The following KIF16B variants were observed in gnomAD, a reference collection of about 807,000 sequenced individuals.
KIF16B encodes the protein kinesin family member 16B.
In KIF16B, 98 loss-of-function variants were observed where a neutral mutation model predicts 156.3. That is an observed-to-expected ratio of 0.63 (90% CI 0.53 to 0.74). The LOEUF is 0.74. Among genes scored for constraint, KIF16B ranks in the 30% least tolerant of loss-of-function variants. The pLI is 0.00. For missense variants in KIF16B, 1,421 were observed against 1,606.5 expected, an observed-to-expected ratio of 0.88 and a Z score of 1.97; for synonymous variants, 564 against 583.7, an observed-to-expected ratio of 0.97 and a Z score of 0.49.
Position 16,419,189 on chromosome 20 carries a change from C to T in KIF16B, c.1612+7915G>A, listed in dbSNP as rs200655419. On this transcript the variant is annotated intron_variant, in intron 15 of 25. Transcript: ENST00000354981. ...CTGTTAAGAAGAGTTAGGGCTTTGA[C>T]ATTGAAAAATAGTTGTTGAATCAGC... Among the ~76,000 whole-genome samples, 10 of 152,140 alleles carry T rather than the reference C, an allele frequency of 6.6e-5. No homozygotes were observed. The East Asian group carries it at 1.9e-3, about 30-fold the overall frequency.
intron 12 of KIF16B, among the ~76,000 whole-genome samples, chr20:16,492,031 G>C (rs1439933926): frequency 6.6e-6 from 1 of 152,076 alleles, no homozygotes; most frequent in Non-Finnish European, 1.5e-5. Flanking sequence ...CCATGAGAGG[G>C]GGTTTGTACA....
chr20:16,322,545 T>C (rs991916774), intron 24 of KIF16B, among the ~76,000 whole-genome samples: 13 of 152,076 alleles, frequency 8.5e-5, no homozygotes, highest in Non-Finnish European at 5.9e-5. Flanking sequence ...TATATGTATA[T>C]GTATGCATAT....
chr20:16,463,505 A>G (rs2067404867), intron 12 of KIF16B, among the ~76,000 whole-genome samples: 1 of 152,188 alleles, frequency 6.6e-6, no homozygotes, highest in Non-Finnish European at 1.5e-5. Flanking sequence ...TGATTTTTCT[A>G]ACTGGAAAGG....
At chr20:16,492,807 A>G (rs1040799668) in intron 12 of KIF16B, among the ~76,000 whole-genome samples, 10 of 152,262 alleles carry the variant, frequency 6.6e-5, no homozygotes, top group Non-Finnish European at 1.2e-4. Flanking sequence ...TCAAATAGCT[A>G]ACGGTTTGAT....
At chr20:16,277,163 CT>C (rs987790310) in intron 25 of KIF16B, among the ~76,000 whole-genome samples, 4 of 152,212 alleles carry the variant, frequency 2.6e-5, no homozygotes, top group African/African-American at 9.6e-5. Flanking sequence ...AATGCCGTGT[CT>C]GTGAGATGCG....
chr20:16,517,769 C>T (rs1052253445), intron 3 of KIF16B, among the ~76,000 whole-genome samples: 3 of 152,110 alleles, frequency 2.0e-5, no homozygotes, highest in African/African-American at 7.2e-5. Flanking sequence ...TTAAATATTT[C>T]CCCAATTCTC....
intron 17 of KIF16B, among the ~76,000 whole-genome samples, chr20:16,399,020 G>C (rs1277091748): frequency 6.6e-6 from 1 of 152,178 alleles, no homozygotes; most frequent in Non-Finnish European, 1.5e-5. Context: ...GCCTAAGAGG[G>C]GGAAAGTAAT....
At chr20:16,293,319 G>A (rs922315777) in intron 25 of KIF16B, among the ~76,000 whole-genome samples, 5 of 152,102 alleles carry the variant, frequency 3.3e-5, no homozygotes, top group African/African-American at 9.7e-5. Flanking sequence ...GAGGAGGAAG[G>A]GATAGGTCAC....
intron 8 of KIF16B, 54 bp from the exon 9 acceptor site, chr20:16,505,907 C>G: frequency 6.2e-7 from 1 of 1,605,238 alleles, no homozygotes; most frequent in Non-Finnish European, 8.5e-7. Context: ...AATTTTTTTT[C>G]CTCTACTTTT....
At chr20:16,366,973 A>G in intron 22 of KIF16B, 1 of 1,289,130 alleles carries the variant, frequency 7.8e-7, no homozygotes, top group South Asian at 2.8e-5. Flanking sequence ...AGCTGTTTTT[A>G]TTTTATTGTA....
At chr20:16,413,760 T>C (rs1251971143) in intron 15 of KIF16B, among the ~76,000 whole-genome samples, 3 of 122,346 alleles carry the variant, frequency 2.5e-5, no homozygotes, top group African/African-American at 9.5e-5. Context: ...CACACACACA[T>C]AGGATGCAAT....
intron 12 of KIF16B, among the ~76,000 whole-genome samples, chr20:16,490,537 A>G (rs1160603107): frequency 6.6e-6 from 1 of 152,152 alleles, no homozygotes; most frequent in Admixed American, 6.5e-5. Context: ...GCACAACTCC[A>G]TCTCAAAAAT....
intron 12 of KIF16B, among the ~76,000 whole-genome samples, chr20:16,493,332 C>G (rs1466630319): frequency 1.3e-5 from 2 of 152,186 alleles, no homozygotes; most frequent in Admixed American, 1.3e-4. Flanking sequence ...AGCCTGCATT[C>G]TGAAACAGTT....
chr20:16,415,086 T>A (rs993664977), intron 15 of KIF16B, among the ~76,000 whole-genome samples: 1 of 152,124 alleles, frequency 6.6e-6, no homozygotes, highest in Non-Finnish European at 1.5e-5. Context: ...CTCATTGTAA[T>A]TCAAGGAATA....
chr20:16,305,479 A>T (rs527541366), intron 25 of KIF16B, among the ~76,000 whole-genome samples: 1 of 152,202 alleles, frequency 6.6e-6, no homozygotes, highest in Admixed American at 6.5e-5. Context: ...CAAAATGTGT[A>T]ATTTCAGGGT....
intron 12 of KIF16B, among the ~76,000 whole-genome samples, chr20:16,486,263 A>G (rs2068112380): frequency 6.6e-6 from 1 of 152,148 alleles, no homozygotes; most frequent in South Asian, 2.1e-4. Context: ...TGCTCTCAAT[A>G]AACATGTGCT....
chr20:16,371,011 A>C (rs1190164589), intron 21 of KIF16B, among the ~76,000 whole-genome samples: 1 of 152,262 alleles, frequency 6.6e-6, no homozygotes, highest in Non-Finnish European at 1.5e-5. Flanking sequence ...TACAAAATAA[A>C]TAACTACGGA....
intron 25 of KIF16B, among the ~76,000 whole-genome samples, chr20:16,278,109 C>T (rs907339026): frequency 2.0e-5 from 3 of 148,900 alleles, no homozygotes; most frequent in Admixed American, 6.6e-5. Flanking sequence ...GATGGGATGG[C>T]GGAGCCAAAG....
At chr20:16,398,815 C>T (rs56363883) in intron 17 of KIF16B, among the ~76,000 whole-genome samples, 15,818 of 152,052 alleles carry the variant, frequency 0.1, 1,016 homozygotes, top group Non-Finnish European at 0.15. Context: ...GGAAAGCAGG[C>T]GGCTTCACAG....
Sources: gnomAD v4.1 joint callset for allele counts (sites outside exome capture counted in the v4.1 genomes callset) on GRCh38, gnomAD v4.1.1 for gene constraint, MANE v1.5 for transcripts, NCBI Gene and HGNC (gene_info 2026-07-23, HGNC 2026-07-21) for gene names.